The following TAOK3 variants were observed in gnomAD, a reference collection of about 807,000 sequenced individuals.
TAOK3 encodes the protein TAO kinase 3.
In TAOK3, 40 loss-of-function variants were observed where a neutral mutation model predicts 120.4. The ratio of observed to expected loss-of-function variants is 0.33; its 90% confidence interval spans 0.26 to 0.43. The LOEUF (loss-of-function observed/expected upper bound fraction) is 0.43, where lower values mean the gene tolerates loss of function less well. Among genes scored for constraint, TAOK3 ranks in the 20% least tolerant of loss-of-function variants. TAOK3 has a pLI of 1.00. For missense variants in TAOK3, 821 were observed against 1,112.1 expected (o/e 0.74, Z 3.72); for synonymous variants, 355 against 387.5 (o/e 0.92, Z 0.99).
intron 13 of TAOK3, among the ~76,000 whole-genome samples, chr12:118,197,274 T>C (rs2037776380): frequency 6.6e-6 from 1 of 152,230 alleles, no homozygotes; most frequent in Non-Finnish European, 1.5e-5. Flanking sequence ...AATAGGAATA[T>C]ATAACTTAAA....
chr12:118,249,560 TAAA>T (rs772488477), intron 3 of TAOK3, among the ~76,000 whole-genome samples: 2 of 107,226 alleles, frequency 1.9e-5, no homozygotes, highest in Admixed American at 1.0e-4. Context: ...AGATTTTGTC[TAAA>T]AAAAAAAAAA....
chr12:118,152,610 C>T (rs1259297574), intron 19 of TAOK3: 1 of 539,130 alleles, frequency 1.9e-6, no homozygotes, highest in East Asian at 2.9e-5. Context: ...ATACCAAACA[C>T]ATTCTTTTCA....
intron 3 of TAOK3, among the ~76,000 whole-genome samples, chr12:118,253,508 C>T (rs940474031): frequency 4.7e-5 from 7 of 148,014 alleles, no homozygotes; most frequent in Admixed American, 6.7e-5. Context: ...GAGGCCGAGA[C>T]GGGTAGATCA....
At chr12:118,225,392 GT>G (rs1231141464) in intron 9 of TAOK3, among the ~76,000 whole-genome samples, 3 of 139,144 alleles carry the variant, frequency 2.2e-5, no homozygotes, top group Non-Finnish European at 4.6e-5. Flanking sequence ...TGTCTTGCAT[GT>G]AAAAAAAAAA....
chr12:118,279,099 T>C (rs1384967254), intron 1 of TAOK3, among the ~76,000 whole-genome samples: 1 of 152,168 alleles, frequency 6.6e-6, no homozygotes, highest in African/African-American at 2.4e-5. Flanking sequence ...ATTACAGGTG[T>C]GAGCCACCAA....
intron 1 of TAOK3, among the ~76,000 whole-genome samples, chr12:118,287,581 C>T (rs375798948): frequency 6.6e-6 from 1 of 152,182 alleles, no homozygotes; most frequent in African/African-American, 2.4e-5. Flanking sequence ...GTCACAGCAG[C>T]TCTGAGTGGC....
intron 1 of TAOK3, among the ~76,000 whole-genome samples, chr12:118,370,516 CCTCA>C (rs1436534550): frequency 6.6e-6 from 1 of 152,138 alleles, no homozygotes; most frequent in Non-Finnish European, 1.5e-5. Flanking sequence ...TAATTACATT[CCTCA>C]CTATTTTCCT....
chr12:118,162,684 A>C (rs1293870001), intron 17 of TAOK3, among the ~76,000 whole-genome samples: 3 of 151,876 alleles, frequency 2.0e-5, no homozygotes, highest in African/African-American at 7.3e-5. Context: ...AACAGATGAG[A>C]TCTCTCCCCT....
At chr12:118,193,276 T>C (rs1461873592) in intron 13 of TAOK3, among the ~76,000 whole-genome samples, 1 of 152,058 alleles carries the variant, frequency 6.6e-6, no homozygotes, top group African/African-American at 2.4e-5. Context: ...CTCAAACTCC[T>C]GAGCTCAGGC....
At chr12:118,345,078 T>C (rs1038443536) in intron 1 of TAOK3, among the ~76,000 whole-genome samples, 1 of 152,174 alleles carries the variant, frequency 6.6e-6, no homozygotes, top group African/African-American at 2.4e-5. Flanking sequence ...AAAAAACCAA[T>C]CTTACTGAAC....
rs1374981761 is a variant in TAOK3 at position 118,269,431 on chromosome 12, T to TGCA, written c.-193-2675_-193-2673dup. Among the ~76,000 whole-genome samples, 58 of 146,646 alleles carry TGCA rather than the reference T, an allele frequency of 4.0e-4. 1 individual carries two copies. The highest frequency in any genetic ancestry group is 1.2e-3 in the African/African-American group (47 of 39,260). ...TGAGACTCAGGCTGGAGTGCAGTGA[T>TGCA]GCAGTATCGGCTTACTGCAACCTCT... On this transcript the variant is annotated intron_variant, in intron 1 of 20. Coordinates refer to ENST00000392533, the MANE Select transcript of TAOK3 (RefSeq NM_016281.4).
chr12:118,181,891 ACT>A (rs1337706392), intron 14 of TAOK3, among the ~76,000 whole-genome samples: 1 of 152,078 alleles, frequency 6.6e-6, no homozygotes, highest in Non-Finnish European at 1.5e-5. Flanking sequence ...CTTGAAAGAA[ACT>A]CTTTATTCAG....
At chr12:118,291,220 G>A (rs1190280443) in intron 1 of TAOK3, among the ~76,000 whole-genome samples, 2 of 150,068 alleles carry the variant, frequency 1.3e-5, no homozygotes, top group Admixed American at 6.7e-5. Context: ...GCAATGGTGA[G>A]ATCTCAGCTT....
chr12:118,164,125 A>G (rs912808490), intron 17 of TAOK3, among the ~76,000 whole-genome samples: 21 of 151,612 alleles, frequency 1.4e-4, no homozygotes, highest in African/African-American at 4.6e-4. Context: ...GATCGAGACC[A>G]TCCTGGCTAA....
intron 9 of TAOK3, among the ~76,000 whole-genome samples, chr12:118,222,448 G>C (rs2039282678): frequency 6.6e-6 from 1 of 151,874 alleles, no homozygotes; most frequent in African/African-American, 2.4e-5. Flanking sequence ...CAGGAGAATT[G>C]CTTGAACCCG....
At chr12:118,179,604 A>T (rs2036563245) in intron 15 of TAOK3, among the ~76,000 whole-genome samples, 1 of 152,042 alleles carries the variant, frequency 6.6e-6, no homozygotes. Flanking sequence ...TAATAATAAT[A>T]AAAAAAGATG....
At chr12:118,324,590 A>C (rs2140973722) in intron 1 of TAOK3, among the ~76,000 whole-genome samples, 1 of 152,010 alleles carries the variant, frequency 6.6e-6, no homozygotes, top group South Asian at 2.1e-4. Context: ...TCTAGTTTCT[A>C]TCTGCATGAG....
chr12:118,224,958 A>T (rs548229671), intron 9 of TAOK3, among the ~76,000 whole-genome samples: 1 of 152,192 alleles, frequency 6.6e-6, no homozygotes, highest in Non-Finnish European at 1.5e-5. Context: ...TGTTAAAAGT[A>T]CAACTTGGGC....
intron 17 of TAOK3, among the ~76,000 whole-genome samples, chr12:118,163,622 AAG>A (rs1192512637): frequency 6.6e-6 from 1 of 151,950 alleles, no homozygotes; most frequent in Admixed American, 6.6e-5. Context: ...AAAAAAAAAA[AAG>A]AGAGAGAGCA....
Sources: allele counts gnomAD v4.1 joint callset (sites outside exome capture counted in the v4.1 genomes callset), GRCh38; gene constraint gnomAD v4.1.1; transcripts MANE v1.5; gene names NCBI Gene and HGNC (gene_info 2026-07-23, HGNC 2026-07-21).